Variants in CNTNAP2 observed in about 807,000 individuals in gnomAD.
The protein encoded by CNTNAP2 is contactin associated protein 2, also known as contactin-associated protein-like 2.
CNTNAP2 carries 98 observed loss-of-function variants against 155.2 expected under a neutral mutation model. The ratio of observed to expected loss-of-function variants is 0.63; its 90% CI spans 0.54 to 0.75. The LOEUF (loss-of-function observed/expected upper bound fraction) is 0.75. Ranked by LOEUF, CNTNAP2 falls within the 30% of genes least tolerant of loss-of-function variation. The pLI, the probability that CNTNAP2 is intolerant of heterozygous loss-of-function variation, is 0.00. For missense variants in CNTNAP2, 1,727 were observed against 1,688.1 expected, an observed-to-expected ratio of 1.02 and a Z score of -0.40; for synonymous variants, 651 against 631.2, an observed-to-expected ratio of 1.03 and a Z score of -0.47.
chr7:148,159,937 T>C (rs1805486147), intron 17 of CNTNAP2, among the ~76,000 whole-genome samples: 1 of 152,156 alleles, frequency 6.6e-6, no homozygotes, highest in Non-Finnish European at 1.5e-5. Flanking sequence ...GTTTTGTCTC[T>C]GCTCTTAAAA....
intron 14 of CNTNAP2, among the ~76,000 whole-genome samples, chr7:147,974,107 A>T (rs1475980455): frequency 6.6e-6 from 1 of 152,220 alleles, no homozygotes; most frequent in Admixed American, 6.5e-5. Flanking sequence ...AAAAGTCTAC[A>T]TTTATAAAAT....
intron 10 of CNTNAP2, among the ~76,000 whole-genome samples, chr7:147,416,482 T>C (rs1584936358): frequency 1.3e-5 from 2 of 152,320 alleles, no homozygotes; most frequent in South Asian, 4.1e-4. Flanking sequence ...TCAGAACCAA[T>C]ACAACTCCAG....
intron 14 of CNTNAP2, among the ~76,000 whole-genome samples, chr7:147,976,618 T>C (rs1801430694): frequency 6.6e-6 from 1 of 152,238 alleles, no homozygotes; most frequent in South Asian, 2.1e-4. Context: ...GGCCAAGTTC[T>C]GTGACTCCTT....
At chr7:148,118,974 T>C (rs1296720575) in intron 16 of CNTNAP2, among the ~76,000 whole-genome samples, 1 of 152,224 alleles carries the variant, frequency 6.6e-6, no homozygotes, top group Non-Finnish European at 1.5e-5. Context: ...GGGGGTTAGC[T>C]GCACAAGACT....
chr7:146,861,796 T>C (rs911011528), intron 3 of CNTNAP2, among the ~76,000 whole-genome samples: 1 of 152,142 alleles, frequency 6.6e-6, no homozygotes, highest in Non-Finnish European at 1.5e-5. Flanking sequence ...TAATTATATG[T>C]AATTTGCTGG....
At chr7:146,168,520 T>G (rs1231369549) in intron 1 of CNTNAP2, among the ~76,000 whole-genome samples, 2 of 152,142 alleles carry the variant, frequency 1.3e-5, no homozygotes, top group African/African-American at 4.8e-5. Context: ...TGTACCATCC[T>G]TAGATTTCTC....
chr7:147,881,341 C>CATT (rs1799517294), intron 13 of CNTNAP2, among the ~76,000 whole-genome samples: 1 of 152,106 alleles, frequency 6.6e-6, no homozygotes, highest in African/African-American at 2.4e-5. Context: ...ACTTATGTGG[C>CATT]ATTAGCATTA....
chr7:146,620,577 G>A (rs1799300644), intron 1 of CNTNAP2, among the ~76,000 whole-genome samples: 1 of 152,176 alleles, frequency 6.6e-6, no homozygotes, highest in African/African-American at 2.4e-5. Flanking sequence ...AAAATACAGA[G>A]AATGTTTTTT....
At chr7:147,091,544 G>A (rs946338382) in intron 4 of CNTNAP2, among the ~76,000 whole-genome samples, 4 of 151,148 alleles carry the variant, frequency 2.6e-5, no homozygotes, top group South Asian at 2.1e-4. Context: ...CTCCGCCTAC[G>A]GGGTTCAAAA....
At chr7:146,346,123 A>G (rs1794814842) in intron 1 of CNTNAP2, among the ~76,000 whole-genome samples, 1 of 152,202 alleles carries the variant, frequency 6.6e-6, no homozygotes, top group African/African-American at 2.4e-5. Context: ...TAAAGAACAC[A>G]TGAGTTCTTC....
intron 1 of CNTNAP2, among the ~76,000 whole-genome samples, chr7:146,718,137 G>A (rs189836234): frequency 2.0e-5 from 3 of 152,138 alleles, no homozygotes; most frequent in Non-Finnish European, 4.4e-5. Flanking sequence ...TATGCTAGTC[G>A]ATTTTGTTTA....
At chr7:147,432,421 A>G (rs1278577257) in intron 10 of CNTNAP2, among the ~76,000 whole-genome samples, 1 of 152,200 alleles carries the variant, frequency 6.6e-6, no homozygotes, top group Non-Finnish European at 1.5e-5. Context: ...AATCATGCTG[A>G]AGTTTTCTAC....
chr7:146,614,497 C>A lies in CNTNAP2; in HGVS notation c.98-159774C>A, dbSNP rs1021992713. Among the ~76,000 whole-genome samples, 5 of 152,216 alleles carry A rather than the reference C, an allele frequency of 3.3e-5. No individual in the cohort carries two copies. In the South Asian group the frequency reaches 1.0e-3, roughly 32 times the overall value. ...AAAGCCAAATACAGAGAATATGATT[C>A]TTTGGTTATGAGCATGAAGCGGTGC... On this transcript the variant is annotated intron_variant, in intron 1 of 23. Coordinates refer to ENST00000361727, the MANE Select transcript of CNTNAP2 (RefSeq NM_014141.6).
In CNTNAP2 at chr7:148,246,824, A is replaced by G. The variant is rs188414890; in HGVS notation, c.3381+17045A>G. Among the ~76,000 whole-genome samples the G allele has an allele frequency of 2.6e-5, 4 of 152,364 alleles. No individual in the cohort carries two copies. In the East Asian group the frequency reaches 7.7e-4, roughly 29 times the overall value. Reference sequence around the variant, plus strand: ...AGTGCAGTTTCATTTATTTAAAAATAAACACAAGATTAGGCTACAGTGAAG... The same window carrying G: ...AGTGCAGTTTCATTTATTTAAAAATGAACACAAGATTAGGCTACAGTGAAG... On this transcript the variant is annotated intron_variant, in intron 20 of 23. Coordinates refer to ENST00000361727, the MANE Select transcript of CNTNAP2 (RefSeq NM_014141.6).
intron 4 of CNTNAP2, among the ~76,000 whole-genome samples, chr7:147,072,473 AC>A (rs111911364): frequency 0.11 from 16,269 of 152,114 alleles, 2,353 homozygotes; most frequent in African/African-American, 0.33. Context: ...GGTGTAGAGG[AC>A]AGGTCTGAAG....
At chr7:147,276,668 C>A (rs1804902751) in intron 8 of CNTNAP2, among the ~76,000 whole-genome samples, 1 of 152,022 alleles carries the variant, frequency 6.6e-6, no homozygotes, top group Non-Finnish European at 1.5e-5. Flanking sequence ...CATAATATTT[C>A]ATCAAAACAT....
chr7:146,535,278 T>A lies in CNTNAP2; in HGVS notation c.98-238993T>A, dbSNP rs180788434. Among the ~76,000 whole-genome samples, 15 of 49,108 alleles carry A rather than the reference T, an allele frequency of 3.1e-4. 1 individual carries two copies. The highest frequency in any genetic ancestry group is 1.7e-3 in the Admixed American group (6 of 3,488). The allele number at this position is 49,108 out of a possible 152,430, so 32.2% of individuals were successfully genotyped here. On this transcript the variant is annotated intron_variant, in intron 1 of 23. Coordinates refer to ENST00000361727, the MANE Select transcript of CNTNAP2 (RefSeq NM_014141.6). The stretch of plus-strand genomic sequence containing the variant: ...GATATTATATCATATATATTATATA[T>A]TATATTATATAATGTATATTATATA...
intron 14 of CNTNAP2, among the ~76,000 whole-genome samples, chr7:147,940,684 G>A (rs377378931): frequency 5.3e-5 from 8 of 152,042 alleles, no homozygotes; most frequent in Non-Finnish European, 8.8e-5. Flanking sequence ...ACAGACAAGC[G>A]CCATCACACC....
chr7:147,314,406 C>T (rs890930533), intron 9 of CNTNAP2, among the ~76,000 whole-genome samples: 1 of 151,738 alleles, frequency 6.6e-6, no homozygotes, highest in Non-Finnish European at 1.5e-5. Flanking sequence ...CTATCTCATT[C>T]ACTGAAGTTA....
Sources: gnomAD v4.1 joint callset for allele counts (sites outside exome capture counted in the v4.1 genomes callset) on GRCh38, gnomAD v4.1.1 for gene constraint, MANE v1.5 for transcripts, NCBI Gene and HGNC (gene_info 2026-07-23, HGNC 2026-07-21) for gene names.